TEX36: variants seen among roughly 807,000 people sequenced by gnomAD.
The protein encoded by TEX36 is testis expressed 36.
TEX36 carries 12 observed loss-of-function variants against 13.6 expected under a neutral mutation model. That is an observed-to-expected ratio of 0.88 (90% confidence interval 0.56 to 1.43). The LOEUF (loss-of-function observed/expected upper bound fraction) is 1.43. Among genes scored for constraint, TEX36 ranks in the 40% most tolerant of loss-of-function variants. The pLI is 0.00. For synonymous variants in TEX36, 93 were observed against 83.0 expected, an observed-to-expected ratio of 1.12 and a Z score of -0.65; for missense variants, 224 against 228.3, an observed-to-expected ratio of 0.98 and a Z score of 0.12.
intron 3 of TEX36, among the ~76,000 whole-genome samples, chr10:125,633,650 ACTGAACATTAT>A (rs1846588020): frequency 6.6e-6 from 1 of 152,098 alleles, no homozygotes; most frequent in South Asian, 2.1e-4. Context: ...CTTTTTTCCC[ACTGAACATTAT>A]CTGATTCTTT....
At chr10:125,625,321 C>A (rs188899014) in intron 3 of TEX36, among the ~76,000 whole-genome samples, 136 of 152,294 alleles carry the variant, frequency 8.9e-4, no homozygotes, top group Admixed American at 2.3e-3. Flanking sequence ...GTTTAGCACC[C>A]CCCACCAAAT....
chr10:125,604,677 T>C (rs1394058744), intron 3 of TEX36, among the ~76,000 whole-genome samples: 1 of 152,012 alleles, frequency 6.6e-6, no homozygotes, highest in Non-Finnish European at 1.5e-5. Context: ...CCAGGTGTGG[T>C]GACATGTGCC....
chr10:125,642,811 G>A (rs1039448368), intron 3 of TEX36, among the ~76,000 whole-genome samples: 4 of 152,188 alleles, frequency 2.6e-5, no homozygotes, highest in Non-Finnish European at 5.9e-5. Context: ...GAGGTCTTTA[G>A]GAGGCAACAA....
rs9422916 is a variant in TEX36, at chr10:125,663,395, T to G, written c.52-1418A>C. On this transcript the variant is annotated intron_variant, in intron 1 of 3. Coordinates refer to ENST00000368821, the MANE Select transcript of TEX36 (RefSeq NM_001128202.3). ...GCAGGTATCCCTCAGATATATTGAT[T>G]TTTTTTAGTAGATACTCAGTAGTAG... Among the ~76,000 whole-genome samples the G allele has an allele frequency of 9.5e-3, 1,442 of 152,316 alleles. 24 individuals are homozygous for G. Among genetic ancestry groups the G allele is most frequent in the African/African-American group, 0.032 (1,333 of 41,552 alleles).
chr10:125,632,985 G>A (rs114567790), intron 3 of TEX36, among the ~76,000 whole-genome samples: 5 of 152,032 alleles, frequency 3.3e-5, no homozygotes, highest in South Asian at 4.2e-4. Flanking sequence ...TAGCTGGGCC[G>A]TAGTGTCATA....
intron 3 of TEX36, among the ~76,000 whole-genome samples, chr10:125,647,765 C>T (rs976849520): frequency 1.3e-5 from 2 of 152,120 alleles, no homozygotes; most frequent in Non-Finnish European, 2.9e-5. Flanking sequence ...AAAGGGAAGC[C>T]GTGACAGATG....
chr10:125,677,251 G>A (rs2133613494), intron 1 of TEX36, among the ~76,000 whole-genome samples: 1 of 152,198 alleles, frequency 6.6e-6, no homozygotes, highest in South Asian at 2.1e-4. Flanking sequence ...ATCTCTTTCT[G>A]GACTTGGGAA....
intron 3 of TEX36, among the ~76,000 whole-genome samples, chr10:125,612,572 T>C (rs1345698442): frequency 1.3e-5 from 2 of 152,246 alleles, no homozygotes; most frequent in Non-Finnish European, 2.9e-5. Flanking sequence ...TACACATTTA[T>C]ATCCTATCCA....
chr10:125,613,061 C>G (rs1324312673), intron 3 of TEX36, among the ~76,000 whole-genome samples: 1 of 151,842 alleles, frequency 6.6e-6, no homozygotes, highest in Non-Finnish European at 1.5e-5. Context: ...CCTGCCACCT[C>G]CAGCTGAGAG....
chr10:125,653,381 G>T (rs1846892944), downstream of TEX36, among the ~76,000 whole-genome samples: 1 of 151,042 alleles, frequency 6.6e-6, no homozygotes, highest in Admixed American at 6.6e-5. Context: ...GCAAACTATT[G>T]CAAGGACAGA....
At chr10:125,584,287 G>A (rs1017552955) in intron 3 of TEX36, among the ~76,000 whole-genome samples, 11 of 152,226 alleles carry the variant, frequency 7.2e-5, no homozygotes, top group Non-Finnish European at 1.6e-4. Flanking sequence ...CAAATAAAAT[G>A]GATGTTGTTT....
chr10:125,602,575 T>G (rs116520472), intron 3 of TEX36, among the ~76,000 whole-genome samples: 2,546 of 152,306 alleles, frequency 0.017, 80 homozygotes, highest in African/African-American at 0.057. Context: ...TACTCTGACT[T>G]GTGCTTGATT....
At chr10:125,624,279 G>A (rs990340693) in intron 3 of TEX36, among the ~76,000 whole-genome samples, 4 of 152,194 alleles carry the variant, frequency 2.6e-5, no homozygotes, top group African/African-American at 9.7e-5. Flanking sequence ...AGACACCGAT[G>A]CTCATGTGAA....
intron 3 of TEX36, chr10:125,640,285 T>G (rs1352984029): frequency 1.2e-6 from 1 of 850,438 alleles, no homozygotes; most frequent in Non-Finnish European, 1.4e-6. Context: ...TTACCCAATT[T>G]GGGAACTTAC....
chr10:125,624,053 T>C (rs1314945878), intron 3 of TEX36, among the ~76,000 whole-genome samples: 3 of 152,230 alleles, frequency 2.0e-5, no homozygotes, highest in Non-Finnish European at 4.4e-5. Flanking sequence ...TGTCTCTGCT[T>C]TCAGATTTAT....
intron 3 of TEX36, among the ~76,000 whole-genome samples, chr10:125,636,922 C>A (rs1199321444): frequency 6.6e-6 from 1 of 152,110 alleles, no homozygotes; most frequent in Non-Finnish European, 1.5e-5. Flanking sequence ...ATTAATAACT[C>A]CCAATTTTCC....
rs1847134604 is a variant in TEX36, at chr10:125,667,041, A to G, written c.52-5064T>C. 4.7e-6 allele frequency: 7 copies of G among 1,485,578 alleles called. No homozygotes were observed. In the East Asian group the frequency reaches 1.6e-4, roughly 35 times the overall value. 92.0% of individuals were successfully genotyped at this position (1,485,578 alleles called of 1,614,324 possible). A position where few individuals can be genotyped will look rare whatever the true frequency, so the allele number is the denominator to read the frequency against. On this transcript the variant is annotated intron_variant, in intron 1 of 3. Transcript: ENST00000368821. ...TTCCTGCCCCAGGCCTTCAGGGCAG[A>G]GGCCTGCAGGGCTCGGCCATAGGAG...
At chr10:125,587,713 G>C (rs1845972746) in intron 3 of TEX36, among the ~76,000 whole-genome samples, 2 of 151,670 alleles carry the variant, frequency 1.3e-5, no homozygotes, top group Admixed American at 6.6e-5. Context: ...CTTGAACTGG[G>C]AGGTAGAGGT....
chr10:125,644,875 A>G (rs1846744120), intron 3 of TEX36, among the ~76,000 whole-genome samples: 1 of 152,194 alleles, frequency 6.6e-6, no homozygotes, highest in Non-Finnish European at 1.5e-5. Flanking sequence ...TTTCTGGTGA[A>G]AGAGATTGCA....
Sources: allele counts gnomAD v4.1 joint callset (sites outside exome capture counted in the v4.1 genomes callset), GRCh38; gene constraint gnomAD v4.1.1; transcripts MANE v1.5; gene names NCBI Gene and HGNC (gene_info 2026-07-23, HGNC 2026-07-21).